Variants in PRIMPOL observed in about 807,000 individuals in gnomAD.
PRIMPOL encodes primase and DNA directed polymerase.
PRIMPOL carries 54 observed loss-of-function variants against 63.6 expected under a neutral mutation model. The ratio of observed to expected loss-of-function variants is 0.85; its 90% CI spans 0.68 to 1.07. PRIMPOL has a LOEUF of 1.07. Among genes scored for constraint, PRIMPOL ranks in the 50% least tolerant of loss-of-function variants. The probability of loss-of-function intolerance (pLI) is 0.00; values close to 1 mark genes in which losing one functional copy is unlikely to be tolerated. For missense variants in PRIMPOL, 610 were observed against 648.3 expected (o/e 0.94, Z 0.64); for synonymous variants, 197 against 220.2 (o/e 0.89, Z 0.93).
At chr4:184,657,015 A>G (rs191461217) in intron 2 of PRIMPOL, 67 bp from the exon 3 acceptor site, 326 of 719,628 alleles carry the variant, frequency 4.5e-4, no homozygotes, top group Non-Finnish European at 5.7e-4. Flanking sequence ...GAGTTTTGAA[A>G]CTTTATCAAA....
intron 5 of PRIMPOL, among the ~76,000 whole-genome samples, chr4:184,665,329 A>G (rs1749542366): frequency 6.6e-6 from 1 of 152,154 alleles, no homozygotes; most frequent in African/African-American, 2.4e-5. Context: ...GCCAAAACTG[A>G]CACTGACCTG....
At chr4:184,661,732 G>C (rs1385838135) in intron 4 of PRIMPOL, 42 bp from the exon 5 acceptor site, 3 of 1,322,754 alleles carry the variant, frequency 2.3e-6, no homozygotes, top group African/African-American at 2.9e-5. Context: ...ATCAATAAAG[G>C]TATAATATAT....
chr4:184,679,082 C>T (rs1447701667), intron 8 of PRIMPOL, among the ~76,000 whole-genome samples: 1 of 151,956 alleles, frequency 6.6e-6, no homozygotes, highest in Non-Finnish European at 1.5e-5. Flanking sequence ...ATTTGTATAG[C>T]TCCTTTAATC....
chr4:184,685,366 A>G (rs759400981), intron 9 of PRIMPOL, 43 bp from the exon 10 acceptor site: 51 of 1,401,398 alleles, frequency 3.6e-5, no homozygotes, highest in Non-Finnish European at 4.8e-5. Context: ...TAACTTCTCA[A>G]CTTTCAGCTA....
chr4:184,672,144 A>G, intron 6 of PRIMPOL, 29 bp from the exon 7 acceptor site: 1 of 1,576,402 alleles, frequency 6.3e-7, no homozygotes, highest in Non-Finnish European at 8.6e-7. Flanking sequence ...GAGAAGATCC[A>G]GGTGAATGAT....
chr4:184,678,159 CTT>C (rs770966486), intron 7 of PRIMPOL, 71 bp from the exon 8 acceptor site: 87 of 930,532 alleles, frequency 9.3e-5, no homozygotes, highest in Middle Eastern at 3.4e-4. Flanking sequence ...TATATAAAAA[CTT>C]AATATTTGCT....
At chr4:184,661,957 T>C in intron 5 of PRIMPOL, 54 bp downstream of exon 5, 2 of 1,520,418 alleles carry the variant, frequency 1.3e-6, no homozygotes, top group Non-Finnish European at 1.8e-6. Flanking sequence ...CATTGGCTTA[T>C]TCATTCAGTG....
intron 3 of PRIMPOL, chr4:184,657,671 C>T (rs1336638496): frequency 6.1e-6 from 1 of 164,756 alleles, no homozygotes; most frequent in Non-Finnish European, 1.3e-5. Context: ...AAAGAAGTGT[C>T]AGCCTTTCAA....
chr4:184,671,961 C>G (rs183990936), intron 6 of PRIMPOL, among the ~76,000 whole-genome samples: 1 of 151,786 alleles, frequency 6.6e-6, no homozygotes, highest in African/African-American at 2.4e-5. Flanking sequence ...AGGATGGTCT[C>G]GATCTCCCGA....
Position 184,657,100 on chromosome 4 carries a change from T to C in PRIMPOL, c.-41T>C. Reference sequence around the variant, plus strand: ...GTTTTAGTAGTAATTGATAGAAATATTACGTGGGATAGGATTTATTCTCTC... The same window carrying C: ...GTTTTAGTAGTAATTGATAGAAATACTACGTGGGATAGGATTTATTCTCTC... On this transcript the variant is annotated 5_prime_UTR_variant, in exon 3 of 14. Transcript: ENST00000314970. The C allele has an allele frequency of 1.4e-6, 2 of 1,386,854 alleles. No individual in the cohort carries two copies. Among genetic ancestry groups the C allele is most frequent in the South Asian group, 1.7e-5 (1 of 59,976 alleles). 85.9% of individuals were successfully genotyped at this position (1,386,854 alleles called of 1,614,324 possible). A position where few individuals can be genotyped will look rare whatever the true frequency, so the allele number is the denominator to read the frequency against.
chr4:184,654,811 A>G, intron 2 of PRIMPOL, among the ~76,000 whole-genome samples: 1 of 152,114 alleles, frequency 6.6e-6, no homozygotes. Context: ...TATTTTCCCT[A>G]AGCATACCTG....
intron 3 of PRIMPOL, 144 bp downstream of exon 3, chr4:184,657,464 T>A: frequency 1.6e-6 from 1 of 623,436 alleles, no homozygotes; most frequent in Non-Finnish European, 2.6e-6. Context: ...CAAGAAAATT[T>A]AATGGCAATC....
At chr4:184,690,500 C>T (rs1322560746) in intron 11 of PRIMPOL, among the ~76,000 whole-genome samples, 1 of 152,136 alleles carries the variant, frequency 6.6e-6, no homozygotes, top group Non-Finnish European at 1.5e-5. Flanking sequence ...CACACTGTCA[C>T]CCGGGCTGGA....
chr4:184,670,385 G>C (rs1477157567), intron 6 of PRIMPOL, among the ~76,000 whole-genome samples: 1 of 152,156 alleles, frequency 6.6e-6, no homozygotes, highest in African/African-American at 2.4e-5. Flanking sequence ...CCTTTGATAT[G>C]TTGTGATTTC....
chr4:184,675,721 A>T (rs879929485), intron 7 of PRIMPOL, among the ~76,000 whole-genome samples: 4 of 152,110 alleles, frequency 2.6e-5, no homozygotes, highest in African/African-American at 7.2e-5. Flanking sequence ...GGAGGCTGAG[A>T]CATGAGAATC....
chr4:184,675,067 G>T (rs1405141853), intron 7 of PRIMPOL, among the ~76,000 whole-genome samples: 1 of 152,196 alleles, frequency 6.6e-6, no homozygotes, highest in Non-Finnish European at 1.5e-5. Context: ...ACTGTGAAGC[G>T]CAATTGATTG....
intron 2 of PRIMPOL, among the ~76,000 whole-genome samples, chr4:184,655,447 G>A (rs964634682): frequency 4.8e-5 from 7 of 146,454 alleles, no homozygotes; most frequent in African/African-American, 7.6e-5. Flanking sequence ...TCAGCCTCCC[G>A]AGTAGTTGGG....
At position 184,676,372 on chromosome 4, in the gene PRIMPOL, T is replaced by TCTCCCTTCC. The variant is rs1428478092; in HGVS notation, c.845-1859_845-1858insTCCCTTCCC. 1.6e-3 allele frequency among the ~76,000 whole-genome samples: 67 copies of TCTCCCTTCC among 43,038 alleles called. 2 individuals carry two copies. The highest frequency in any genetic ancestry group is 2.5e-3 in the Non-Finnish European group (51 of 20,728). The allele number at this position is 43,038 out of a possible 152,430, so 28.2% of individuals were successfully genotyped here. On this transcript the variant is annotated intron_variant, in intron 7 of 13. Coordinates refer to ENST00000314970, the MANE Select transcript of PRIMPOL (RefSeq NM_152683.4). ...CTTTTCCTTCCCTTCTCCTTTCCCT[T>TCTCCCTTCC]CCCTTCCCTTCCTTTCCCTTCCCTT...
intron 7 of PRIMPOL, among the ~76,000 whole-genome samples, chr4:184,677,286 T>C (rs1323240704): frequency 6.6e-6 from 1 of 151,982 alleles, no homozygotes; most frequent in Admixed American, 6.6e-5. Flanking sequence ...AGATCTACAG[T>C]CCACTTGGAA....
Sources: allele counts gnomAD v4.1 joint callset (sites outside exome capture counted in the v4.1 genomes callset), GRCh38; gene constraint gnomAD v4.1.1; transcripts MANE v1.5; gene names NCBI Gene and HGNC (gene_info 2026-07-23, HGNC 2026-07-21).